Variants in QPRT observed in about 807,000 individuals in gnomAD.
QPRT encodes the protein quinolinate phosphoribosyltransferase, also known as nicotinate-nucleotide pyrophosphorylase [carboxylating].
Under a neutral mutation model 19.8 loss-of-function variants are expected in QPRT, and 17 were observed. The ratio of observed to expected loss-of-function variants is 0.86; its 90% CI spans 0.59 to 1.29. QPRT has a LOEUF of 1.29. QPRT is among the 50% of genes most tolerant of loss of function. QPRT has a pLI of 0.00. For synonymous variants in QPRT, 178 were observed against 191.0 expected, an observed-to-expected ratio of 0.93 and a Z score of 0.56; for missense variants, 336 against 405.1, an observed-to-expected ratio of 0.83 and a Z score of 1.46.
Position 29,694,696 on chromosome 16 carries a change from G to T in QPRT, c.46G>T (p.Ala16Ser). 1.3e-6 allele frequency: 2 copies of T among 1,558,458 alleles called. No homozygotes were observed. The highest frequency in any genetic ancestry group is 1.7e-6 in the Non-Finnish European group (2 of 1,150,574). The stretch of plus-strand genomic sequence containing the variant: ...GCTGCTGCTGCCGCCCGTCACCCTG[G>T]CAGCCCTGGTGGACAGCTGGCTCCG... ...LALLLPPVTL[A>S]ALVDSWLRED... is the part of the protein sequence containing the mutation. The change falls in exon 2 of 4, where the codon GCA becomes TCA. Residue 16 changes from alanine (A) to serine (S), a missense_variant. Physicochemically the swap from Ala to Ser is moderately conservative, Grantham distance 99. Coordinates refer to ENST00000395384, the MANE Select transcript of QPRT (RefSeq NM_014298.6).
chr16:29,689,653 T>G (rs1277921003), intron 1 of QPRT, among the ~76,000 whole-genome samples: 1 of 151,976 alleles, frequency 6.6e-6, no homozygotes, highest in East Asian at 1.9e-4. Context: ...AGACCCGAAA[T>G]CAGGCCTGGG....
chr16:29,694,547 T>G, intron 1 of QPRT, 117 bp from the exon 2 acceptor site: 1 of 742,038 alleles, frequency 1.3e-6, no homozygotes, highest in Non-Finnish European at 1.7e-6. Flanking sequence ...CTGGGACCCC[T>G]AGATCTTGAG....
At chr16:29,690,925 G>C (rs1023660038) in intron 1 of QPRT, among the ~76,000 whole-genome samples, 2 of 151,938 alleles carry the variant, frequency 1.3e-5, no homozygotes, top group Non-Finnish European at 2.9e-5. Flanking sequence ...TCCTGACCTC[G>C]TGATCTGCCC....
At position 29,694,699 on chromosome 16, in the gene QPRT, GC is replaced by G; in HGVS notation, c.52del (p.Leu18TrpfsTer151). The G allele has an allele frequency of 6.4e-7, 1 of 1,563,012 alleles. No homozygotes were observed. Among genetic ancestry groups the G allele is most frequent in the Non-Finnish European group, 8.7e-7 (1 of 1,152,464 alleles). On this transcript the variant is annotated frameshift_variant, in exon 2 of 4. Transcript: ENST00000395384. LOFTEE classifies it high-confidence loss of function. ...GCTGCTGCCGCCCGTCACCCTGGCA[GC>G]CCTGGTGGACAGCTGGCTCCGAGAG... ...ALLLPPVTLAALVDSWLREDC... is the reference protein window; with the variant it reads ...ALLLPPVTLAXLVDSWLREDC...
chr16:29,689,276 G>C (rs1967254776), intron 1 of QPRT, among the ~76,000 whole-genome samples: 1 of 151,766 alleles, frequency 6.6e-6, no homozygotes, highest in African/African-American at 2.4e-5. Flanking sequence ...TGTGTTTTTA[G>C]TAGAGATGAG....
intron 1 of QPRT, among the ~76,000 whole-genome samples, chr16:29,680,791 A>G (rs1966977051): frequency 6.6e-6 from 1 of 152,078 alleles, no homozygotes; most frequent in Admixed American, 6.5e-5. Flanking sequence ...AAGTACAAAA[A>G]TTAGCCGAGT....
intron 1 of QPRT, among the ~76,000 whole-genome samples, chr16:29,684,708 A>G (rs1253663916): frequency 6.6e-6 from 1 of 152,054 alleles, no homozygotes; most frequent in South Asian, 2.1e-4. Flanking sequence ...ACCACCATCC[A>G]CATCTCCTGC....
rs1567332528 is a variant in QPRT at position 29,694,881 on chromosome 16, G to C, written c.231G>C (p.Glu77Asp). The C allele has an allele frequency of 8.1e-6, 13 of 1,613,976 alleles. No homozygotes were observed. The highest frequency in any genetic ancestry group is 1.3e-5 in the African/African-American group (1 of 74,942). ...LNCQVSWFLP[E>D]GSKLVPVARV... is the part of the protein sequence containing the mutation. ...GCCAAGTCTCCTGGTTCCTCCCCGA[G>C]GGATCGAAGCTGGTGCCGGTGGCCA... The change falls in exon 2 of 4, where the codon GAG (glutamate) becomes GAC (aspartate). Residue 77 changes from glutamate (E) to aspartate (D), a missense_variant. Glu to Asp is a conservative substitution (Grantham distance 45, BLOSUM62 2). Transcript: ENST00000395384.
chr16:29,682,432 G>A (rs1407679025), intron 1 of QPRT, among the ~76,000 whole-genome samples: 1 of 152,058 alleles, frequency 6.6e-6, no homozygotes, highest in African/African-American at 2.4e-5. Flanking sequence ...GAGTATAATG[G>A]CGTGATCTTG....
chr16:29,682,627 A>G (rs1596785571), intron 1 of QPRT, among the ~76,000 whole-genome samples: 1 of 151,162 alleles, frequency 6.6e-6, no homozygotes, highest in Non-Finnish European at 1.5e-5. Context: ...TGATCCACCC[A>G]CCTTGGCCTC....
At chr16:29,679,139 C>A (rs1467465210), upstream of QPRT, 5 of 1,613,596 alleles carry the variant, frequency 3.1e-6, no homozygotes, top group Middle Eastern at 1.7e-4. Flanking sequence ...CAGCCTGGGG[C>A]CTCTGGGAGC....
chr16:29,688,393 T>C (rs1167744499), intron 1 of QPRT, among the ~76,000 whole-genome samples: 1 of 152,156 alleles, frequency 6.6e-6, no homozygotes, highest in Non-Finnish European at 1.5e-5. Context: ...CTTGCTAAAA[T>C]TGGACGATGC....
chr16:29,687,072 C>T (rs1967183721), intron 1 of QPRT, among the ~76,000 whole-genome samples: 1 of 152,340 alleles, frequency 6.6e-6, no homozygotes, highest in Non-Finnish European at 1.5e-5. Flanking sequence ...TTATCCTCAT[C>T]CCCAATCTCC....
chr16:29,689,503 A>G (rs1967262219), intron 1 of QPRT, among the ~76,000 whole-genome samples: 2 of 152,078 alleles, frequency 1.3e-5, no homozygotes, highest in South Asian at 4.1e-4. Flanking sequence ...TAAGTTTAGT[A>G]CCCATTAGTT....
At position 29,695,070 on chromosome 16, in the gene QPRT, C is replaced by T. The variant is rs755873089; in HGVS notation, c.420C>T (p.Thr140=). The T allele has an allele frequency of 6.2e-7, 1 of 1,606,548 alleles. No homozygotes were observed. Among genetic ancestry groups the T allele is most frequent in the Non-Finnish European group, 8.5e-7 (1 of 1,178,872 alleles). The change falls in exon 2 of 4, where the codon ACC becomes ACT. Residue 140 remains threonine, a synonymous_variant. Coordinates refer to ENST00000395384, the MANE Select transcript of QPRT (RefSeq NM_014298.6). ...GGCACGTGGCAGGCACGAGGAAGAC[C>T]ACGCCAGGCTTCCGGCTGGTGGAGA... is the stretch of plus-strand genomic sequence containing the variant. ...WTGHVAGTRK[T]TPGFRLVEKY...
chr16:29,679,148 G>A (rs758631110), upstream of QPRT: 24 of 1,613,596 alleles, frequency 1.5e-5, 1 homozygote, highest in South Asian at 2.2e-5. Context: ...GCCTCTGGGA[G>A]CCTTGGTCCT....
intron 1 of QPRT, among the ~76,000 whole-genome samples, chr16:29,685,890 C>T (rs564068678): frequency 1.0e-3 from 156 of 152,122 alleles, no homozygotes; most frequent in Admixed American, 1.7e-3. Context: ...GATGGAGTTT[C>T]GCTCTTGTTG....
At chr16:29,687,153 C>T (rs918739390) in intron 1 of QPRT, among the ~76,000 whole-genome samples, 3 of 152,144 alleles carry the variant, frequency 2.0e-5, no homozygotes, top group African/African-American at 4.8e-5. Context: ...CTCACAGACA[C>T]GCCCGGAGGT....
chr16:29,690,228 T>C (rs1967286062), intron 1 of QPRT, among the ~76,000 whole-genome samples: 5 of 152,232 alleles, frequency 3.3e-5, no homozygotes, highest in Admixed American at 1.3e-4. Flanking sequence ...TGTGGCTGCA[T>C]AGTATTCCAC....
Sources: allele counts gnomAD v4.1 joint callset (sites outside exome capture counted in the v4.1 genomes callset), GRCh38; gene constraint gnomAD v4.1.1; transcripts MANE v1.5; gene names NCBI Gene and HGNC (gene_info 2026-07-23, HGNC 2026-07-21).